The following PCDHA4 variants were observed in gnomAD, a reference collection of about 807,000 sequenced individuals.
The protein encoded by PCDHA4 is protocadherin alpha 4.
Under a neutral mutation model 61.4 loss-of-function variants are expected in PCDHA4, and 49 were observed. The ratio of observed to expected loss-of-function variants is 0.80; its 90% CI spans 0.63 to 1.01. The LOEUF is 1.01. PCDHA4 is among the 50% of genes least tolerant of loss of function. The pLI is 0.00. For synonymous variants in PCDHA4, 590 were observed against 550.3 expected (o/e 1.07, Z -1.01); for missense variants, 1,254 against 1,235.8 (o/e 1.01, Z -0.22).
intron 3 of PCDHA4, among the ~76,000 whole-genome samples, chr5:140,986,828 G>A (rs1001117075): frequency 3.9e-5 from 6 of 152,146 alleles, no homozygotes; most frequent in Non-Finnish European, 5.9e-5. Flanking sequence ...TTTAGACAAT[G>A]GTTCTCAAAG....
rs2150485669 is a variant in PCDHA4, at chr5:140,850,474, C to T, written c.2385+40902C>T. On this transcript the variant is annotated intron_variant, in intron 1 of 3. Coordinates refer to ENST00000530339, the MANE Select transcript of PCDHA4 (RefSeq NM_018907.4). ...AAAGACCACGGGGAGCCAGCGCTGA[C>T]GGCCACGGCCACTGTGCTGGTGTCG... 7.5e-6 allele frequency: 12 copies of T among 1,597,644 alleles called. 2 individuals are homozygous for T. In the South Asian group the frequency reaches 1.1e-4, roughly 15 times the overall value.
rs782253021 is a variant in PCDHA4, at chr5:140,836,724, T to A, written c.2385+27152T>A. 4.3e-6 allele frequency: 7 copies of A among 1,611,936 alleles called. No individual in the cohort carries two copies. The Admixed American group carries it at 5.0e-5, about 12-fold the overall frequency. On this transcript the variant is annotated intron_variant, in intron 1 of 3. Coordinates refer to ENST00000530339, the MANE Select transcript of PCDHA4 (RefSeq NM_018907.4). ...CAGTCCCAGCCTTCCTCAGGGTCCATCCTCTACAGACAATGTGAGTCATAA... is the reference window on the plus strand; with the variant it reads ...CAGTCCCAGCCTTCCTCAGGGTCCAACCTCTACAGACAATGTGAGTCATAA...
At chr5:140,820,662 A>G (rs1027521114) in intron 1 of PCDHA4, among the ~76,000 whole-genome samples, 1 of 152,094 alleles carries the variant, frequency 6.6e-6, no homozygotes, top group Admixed American at 6.5e-5. Context: ...AATTAAACTA[A>G]TATAAAGATA....
chr5:140,987,453 A>C (rs2097255093), intron 3 of PCDHA4, among the ~76,000 whole-genome samples: 1 of 152,106 alleles, frequency 6.6e-6, no homozygotes, highest in South Asian at 2.1e-4. Context: ...CCGAGAGATA[A>C]TTGTTAAGAG....
chr5:140,982,985 A>C (rs2097019022), intron 3 of PCDHA4, among the ~76,000 whole-genome samples: 1 of 152,162 alleles, frequency 6.6e-6, no homozygotes, highest in Non-Finnish European at 1.5e-5. Flanking sequence ...AAAGAAAGAG[A>C]AAAAGAAGGA....
At position 140,971,724 on chromosome 5, in the gene PCDHA4, C is replaced by T. The variant is rs1489489083; in HGVS notation, c.2386-7225C>T. On this transcript the variant is annotated intron_variant, in intron 1 of 3. Coordinates refer to ENST00000530339, the MANE Select transcript of PCDHA4 (RefSeq NM_018907.4). ...CCCTGCTATATAGATATATGTATAT[C>T]ATACATATACACATACATATATCTC... 2.0e-5 allele frequency among the ~76,000 whole-genome samples: 3 copies of T among 151,776 alleles called. No homozygotes were observed. The East Asian group carries it at 5.8e-4, about 29-fold the overall frequency.
intron 1 of PCDHA4, chr5:140,865,929 A>G (rs2049057617): frequency 6.6e-6 from 1 of 152,198 alleles, no homozygotes; most frequent in South Asian, 2.1e-4. Flanking sequence ...TGCTTAGAAG[A>G]AACTTCATGA....
chr5:140,942,223 G>A (rs1334170178), intron 1 of PCDHA4, among the ~76,000 whole-genome samples: 4 of 152,064 alleles, frequency 2.6e-5, no homozygotes, highest in African/African-American at 9.7e-5. Flanking sequence ...TTTAAAATGT[G>A]TAGGCAAATA....
At chr5:140,879,878 T>C (rs1462304142) in intron 1 of PCDHA4, among the ~76,000 whole-genome samples, 1 of 152,198 alleles carries the variant, frequency 6.6e-6, no homozygotes, top group Non-Finnish European at 1.5e-5. Context: ...ATGGTCACAT[T>C]GCCTCCTCCT....
chr5:140,851,018 A>G (rs1389465492), intron 1 of PCDHA4: 4 of 1,432,904 alleles, frequency 2.8e-6, no homozygotes, highest in South Asian at 1.7e-5. Context: ...TTTTTCTGAT[A>G]AAGTAAACCC....
intron 1 of PCDHA4, among the ~76,000 whole-genome samples, chr5:140,964,060 G>A (rs1187796756): frequency 6.6e-6 from 1 of 152,200 alleles, no homozygotes; most frequent in Non-Finnish European, 1.5e-5. Context: ...GTGTGGTCAA[G>A]GCATTAGTGT....
intron 1 of PCDHA4, among the ~76,000 whole-genome samples, chr5:140,936,879 C>A (rs2091197572): frequency 6.6e-6 from 1 of 152,054 alleles, no homozygotes; most frequent in African/African-American, 2.4e-5. Flanking sequence ...AAAAACCCTG[C>A]TTTGATTTTA....
At chr5:140,828,511 G>C in intron 1 of PCDHA4, 1 of 1,614,248 alleles carries the variant, frequency 6.2e-7, no homozygotes, top group Non-Finnish European at 8.5e-7. Flanking sequence ...AACAAAGAGT[G>C]CTGATTTACG....
rs782133089 is a variant in PCDHA4, at chr5:140,924,894, C to CAAAAA, written c.2386-54048_2386-54044dup. Among the ~76,000 whole-genome samples, 201 of 71,494 alleles carry CAAAAA rather than the reference C, an allele frequency of 2.8e-3. 5 individuals are homozygous for CAAAAA. In the East Asian group the frequency reaches 0.084, roughly 30 times the overall value. The allele number at this position is 71,494 out of a possible 152,430, so 46.9% of individuals were successfully genotyped here. On this transcript the variant is annotated intron_variant, in intron 1 of 3. Coordinates refer to ENST00000530339, the MANE Select transcript of PCDHA4 (RefSeq NM_018907.4). ...TGGGTGACAGAGCAAGAACCTGTCT[C>CAAAAA]AAAAAAAAAAATAAAATAAAATAAA...
intron 1 of PCDHA4, chr5:140,858,664 AATTT>A: frequency 1.4e-6 from 1 of 728,728 alleles, no homozygotes; most frequent in Non-Finnish European, 2.2e-6. Flanking sequence ...TTTAAATAAC[AATTT>A]ATTCTGAATA....
In PCDHA4 at chr5:140,858,081, C is replaced by G. The variant is rs782778779; in HGVS notation, c.2385+48509C>G. 1.0e-5 allele frequency: 16 copies of G among 1,597,646 alleles called. No individual in the cohort carries two copies. Among genetic ancestry groups the G allele is most frequent in the Admixed American group, 1.7e-5 (1 of 59,270 alleles). On this transcript the variant is annotated intron_variant, in intron 1 of 3. Transcript: ENST00000530339. The stretch of plus-strand genomic sequence containing the variant: ...GAGGGCAGCCAGGCACCCAAGGCCT[C>G]GTCGCGGGCTTCAGTGGGCGTGGCG...
At chr5:140,909,288 A>G (rs1441603045) in intron 1 of PCDHA4, among the ~76,000 whole-genome samples, 2 of 152,234 alleles carry the variant, frequency 1.3e-5, no homozygotes, top group Non-Finnish European at 2.9e-5. Context: ...GGTGGGCCTT[A>G]TGGACAGGAA....
intron 1 of PCDHA4, chr5:140,927,490 C>T: frequency 3.1e-6 from 5 of 1,614,132 alleles, no homozygotes; most frequent in Non-Finnish European, 4.2e-6. Context: ...CGCCACCCAC[C>T]TGCTGGTGCT....
At chr5:140,869,204 C>T in intron 1 of PCDHA4, 1 of 1,613,960 alleles carries the variant, frequency 6.2e-7, no homozygotes, top group Non-Finnish European at 8.5e-7. Context: ...CTCCACTACT[C>T]CGTCTCGGAG....
Sources: allele counts gnomAD v4.1 joint callset (sites outside exome capture counted in the v4.1 genomes callset), GRCh38; gene constraint gnomAD v4.1.1; transcripts MANE v1.5; gene names NCBI Gene and HGNC (gene_info 2026-07-23, HGNC 2026-07-21).